Variants in ABCB5 observed in about 807,000 individuals in gnomAD.
ABCB5 encodes ATP-binding cassette sub-family B member 5.
In ABCB5, 155 loss-of-function variants were observed where a neutral mutation model predicts 144.2. The observed-to-expected ratio is 1.08, with a 90% CI of 0.94 to 1.23. The LOEUF (loss-of-function observed/expected upper bound fraction) is 1.23. ABCB5 is among the 50% of genes most tolerant of loss of function. The pLI, the probability that ABCB5 is intolerant of heterozygous loss-of-function variation, is 0.00. For missense variants in ABCB5, 1,830 were observed against 1,520.8 expected, an observed-to-expected ratio of 1.20 and a Z score of -3.38; for synonymous variants, 610 against 528.6, an observed-to-expected ratio of 1.15 and a Z score of -2.11.
chr7:20,704,849 T>C (rs764743555), intron 20 of ABCB5, 42 bp downstream of exon 20: 1 of 1,480,910 alleles, frequency 6.8e-7, no homozygotes, highest in South Asian at 1.1e-5. Flanking sequence ...ATGTATGTGG[T>C]GTGCACACAT....
chr7:20,640,674 A>C (rs746817902), intron 5 of ABCB5, among the ~76,000 whole-genome samples: 8 of 152,192 alleles, frequency 5.3e-5, no homozygotes, highest in Non-Finnish European at 1.2e-4. Flanking sequence ...CATCAGGCAA[A>C]CCAAATTTTT....
intron 27 of ABCB5, among the ~76,000 whole-genome samples, chr7:20,754,916 A>G (rs942353260): frequency 2.3e-4 from 35 of 151,914 alleles, no homozygotes; most frequent in African/African-American, 8.5e-4. Flanking sequence ...ATGCTTTTCC[A>G]CTGAAAGTCT....
intron 10 of ABCB5, 37 bp from the exon 11 acceptor site, chr7:20,647,931 C>T: frequency 7.4e-7 from 1 of 1,350,122 alleles, no homozygotes; most frequent in South Asian, 1.2e-5. Flanking sequence ...CAGTTTACTC[C>T]TTTGAAGATT....
chr7:20,700,106 C>T lies in ABCB5; in HGVS notation c.2308C>T (p.His770Tyr), dbSNP rs751994440. The T allele has an allele frequency of 1.2e-6, 2 of 1,613,174 alleles. No individual in the cohort carries two copies. The highest frequency in any genetic ancestry group is 1.7e-6 in the Non-Finnish European group (2 of 1,179,586). Residue 770 changes from histidine (H) to tyrosine (Y), a missense_variant, in exon 19 of 28, where the codon CAC (histidine) becomes TAC (tyrosine). Physicochemically the swap from His to Tyr is moderately conservative, Grantham distance 83 (BLOSUM62 2). Transcript: ENST00000404938. ...GGAAATTTTAACGATGAGATTAAGACACTTGGCCTTCAAAGCCATGTTATA... is the reference window on the plus strand; with the variant it reads ...GGAAATTTTAACGATGAGATTAAGATACTTGGCCTTCAAAGCCATGTTATA... ...AGEILTMRLR[H>Y]LAFKAMLYQD...
intron 11 of ABCB5, 44 bp from the exon 12 acceptor site, chr7:20,649,975 ATCT>A (rs1163495345): frequency 3.8e-6 from 6 of 1,562,744 alleles, no homozygotes; most frequent in Admixed American, 1.9e-5. Flanking sequence ...TGTGTCCATC[ATCT>A]TCTTATTGTG....
chr7:20,748,239 A>G (rs1782790810), intron 26 of ABCB5, among the ~76,000 whole-genome samples: 1 of 152,204 alleles, frequency 6.6e-6, no homozygotes, highest in South Asian at 2.1e-4. Flanking sequence ...ACAACTGTGG[A>G]TAATGGCACT....
Position 20,742,983 on chromosome 7 carries a change from A to G in ABCB5, c.3131A>G (p.Lys1044Arg), listed in dbSNP as rs1284794522. Residue 1044 changes from lysine (K) to arginine (R), a missense_variant, in exon 25 of 28, where the codon AAG becomes AGG. Lys to Arg is a conservative substitution (Grantham distance 26). Transcript: ENST00000404938. ...RGLSLSIERG[K>R]TVAFVGSSGC... Reference sequence around the variant, plus strand: ...TTATCCCTCAGTATTGAGCGAGGAAAGACAGTAGCATTTGTGGGGAGCAGC... The same window carrying G: ...TTATCCCTCAGTATTGAGCGAGGAAGGACAGTAGCATTTGTGGGGAGCAGC... 1 of 1,614,104 alleles carries G rather than the reference A, an allele frequency of 6.2e-7. No individual in the cohort carries two copies.
At chr7:20,667,425 T>C in intron 14 of ABCB5, 1 of 985,626 alleles carries the variant, frequency 1.0e-6, no homozygotes, top group Non-Finnish European at 1.2e-6. Flanking sequence ...GAAGGATACA[T>C]GGAATTCTCA....
Position 20,649,780 on chromosome 7 carries a change from T to C in ABCB5, c.1207-242T>C, listed in dbSNP as rs535000642. The stretch of plus-strand genomic sequence containing the variant: ...AAAATGTGAACAGTTTACTAGTTAA[T>C]ATTCTGAAGTACTCTTAATTTAGTT... On this transcript the variant is annotated intron_variant, in intron 11 of 27. Transcript: ENST00000404938. Among the ~76,000 whole-genome samples the C allele has an allele frequency of 3.3e-5, 5 of 152,340 alleles. No individual in the cohort carries two copies. The South Asian group carries it at 1.0e-3, about 32-fold the overall frequency.
intron 5 of ABCB5, among the ~76,000 whole-genome samples, chr7:20,632,933 G>A (rs1363297859): frequency 6.6e-6 from 1 of 151,628 alleles, no homozygotes; most frequent in Admixed American, 6.6e-5. Context: ...AGTGGGTGCA[G>A]CGCACCAGCA....
At chr7:20,659,881 G>C in intron 14 of ABCB5, 3 of 908,250 alleles carry the variant, frequency 3.3e-6, no homozygotes, top group Non-Finnish European at 3.9e-6. Context: ...ACAAGGTTTT[G>C]CCATGTTGAC....
chr7:20,745,357 C>A lies in ABCB5; in HGVS notation c.3348C>A (p.Asn1116Lys). The A allele has an allele frequency of 6.2e-7, 1 of 1,614,174 alleles. No individual in the cohort carries two copies. The highest frequency in any genetic ancestry group is 8.5e-7 in the Non-Finnish European group (1 of 1,180,010). Residue 1116 changes from asparagine (N) to lysine (K), a missense_variant, in exon 26 of 28, where the codon AAC becomes AAA. By Grantham distance (94) the Asn-to-Lys change is moderately conservative (BLOSUM62 0). Coordinates refer to ENST00000404938, the MANE Select transcript of ABCB5 (RefSeq NM_001163941.2). ...SIAENIAYGDNSRVVPLDEIK... is the reference protein window; with the variant it reads ...SIAENIAYGDKSRVVPLDEIK... ...CTGAGAACATCGCCTATGGTGACAA[C>A]AGCCGTGTGGTGCCATTAGATGAGA...
intron 3 of ABCB5, 47 bp from the exon 4 acceptor site, chr7:20,628,641 T>G (rs1783962403): frequency 6.3e-7 from 1 of 1,579,920 alleles, no homozygotes. Flanking sequence ...GCTTGGTGTG[T>G]TTGTTTGTTT....
At chr7:20,728,996 TC>T (rs1782127868) in intron 23 of ABCB5, among the ~76,000 whole-genome samples, 1 of 152,182 alleles carries the variant, frequency 6.6e-6, no homozygotes, top group African/African-American at 2.4e-5. Flanking sequence ...TTTGATATAT[TC>T]ATATGATGTT....
chr7:20,694,039 A>G (rs1336754413), intron 16 of ABCB5, among the ~76,000 whole-genome samples: 1 of 151,548 alleles, frequency 6.6e-6, no homozygotes. Context: ...AAAAAACAAA[A>G]AAACAAAAAA....
chr7:20,734,015 G>C (rs1417600762), intron 23 of ABCB5, among the ~76,000 whole-genome samples: 1 of 152,150 alleles, frequency 6.6e-6, no homozygotes, highest in Admixed American at 6.5e-5. Flanking sequence ...GGACAAAAGA[G>C]AGATTCTCTA....
At chr7:20,694,139 C>T (rs757870143) in intron 16 of ABCB5, among the ~76,000 whole-genome samples, 22 of 150,098 alleles carry the variant, frequency 1.5e-4, no homozygotes, top group Admixed American at 3.3e-4. Context: ...AACATCATTA[C>T]TCTGATATCA....
chr7:20,718,563 A>G (rs1380448446), intron 20 of ABCB5, among the ~76,000 whole-genome samples: 1 of 152,212 alleles, frequency 6.6e-6, no homozygotes, highest in East Asian at 1.9e-4. Context: ...CACCAGATAC[A>G]GTCTTGAAAC....
chr7:20,642,861 T>C (rs904619255), intron 5 of ABCB5, among the ~76,000 whole-genome samples: 6 of 152,176 alleles, frequency 3.9e-5, no homozygotes, highest in Non-Finnish European at 7.3e-5. Context: ...TTTTTTACCC[T>C]CCAGTTCCAC....
Sources: allele counts gnomAD v4.1 joint callset (sites outside exome capture counted in the v4.1 genomes callset), GRCh38; gene constraint gnomAD v4.1.1; transcripts MANE v1.5; gene names NCBI Gene and HGNC (gene_info 2026-07-23, HGNC 2026-07-21).